Variants in USP34 observed in about 807,000 individuals in gnomAD.
USP34 encodes the protein ubiquitin specific peptidase 34, also known as ubiquitin carboxyl-terminal hydrolase 34.
Under a neutral mutation model 460.3 loss-of-function variants are expected in USP34, and 70 were observed. The ratio of observed to expected loss-of-function variants is 0.15; its 90% CI spans 0.13 to 0.19. The LOEUF is 0.19. Ranked by LOEUF, USP34 falls within the 10% of genes least tolerant of loss-of-function variation. The pLI, the probability that USP34 is intolerant of heterozygous loss-of-function variation, is 1.00. For synonymous variants in USP34, 1,647 were observed against 1,405.3 expected (o/e 1.17, Z -3.85); for missense variants, 3,985 against 4,236.2 (o/e 0.94, Z 1.65).
intron 68 of USP34, 129 bp from the exon 69 acceptor site, chr2:61,212,058 A>C: frequency 8.2e-7 from 1 of 1,226,138 alleles, no homozygotes; most frequent in Non-Finnish European, 1.1e-6. Flanking sequence ...TTCCATTCAG[A>C]AAGTTATAAA....
chr2:61,242,991 C>T (rs11125871), intron 51 of USP34, among the ~76,000 whole-genome samples: 53,220 of 151,250 alleles, frequency 0.35, 9,511 homozygotes, highest in Non-Finnish European at 0.4. Flanking sequence ...TACAGGTGCC[C>T]GCTATCAAAC....
At chr2:61,397,726 C>A (rs192310812) in intron 3 of USP34, among the ~76,000 whole-genome samples, 93 of 151,882 alleles carry the variant, frequency 6.1e-4, no homozygotes, top group Middle Eastern at 3.4e-3. Context: ...TGGTGAAACC[C>A]CATCTCTATT....
chr2:61,353,231 G>A (rs1691999836), intron 10 of USP34, among the ~76,000 whole-genome samples: 1 of 152,274 alleles, frequency 6.6e-6, no homozygotes, highest in East Asian at 1.9e-4. Context: ...GTGAGGTACA[G>A]GCACAGAGGC....
At chr2:61,245,787 T>C (rs1688402553) in intron 50 of USP34, among the ~76,000 whole-genome samples, 1 of 152,120 alleles carries the variant, frequency 6.6e-6, no homozygotes, top group Non-Finnish European at 1.5e-5. Context: ...TTCAAATCAA[T>C]ATCCCCAGCA....
intron 76 of USP34, among the ~76,000 whole-genome samples, chr2:61,191,824 C>A (rs527461641): frequency 2.0e-5 from 3 of 152,128 alleles, no homozygotes; most frequent in Non-Finnish European, 2.9e-5. Flanking sequence ...AGAGGGAAAA[C>A]GAGATCTCCA....
At chr2:61,195,655 G>A (rs1043703317) in intron 75 of USP34, among the ~76,000 whole-genome samples, 1 of 152,092 alleles carries the variant, frequency 6.6e-6, no homozygotes, top group African/African-American at 2.4e-5. Flanking sequence ...CTGGGTGACA[G>A]AGCCAGACTC....
At chr2:61,444,111 T>C (rs541774324) in intron 1 of USP34, among the ~76,000 whole-genome samples, 3 of 151,826 alleles carry the variant, frequency 2.0e-5, no homozygotes, top group African/African-American at 7.2e-5. Context: ...AAATTGTAGG[T>C]ATGGTGGGGC....
chr2:61,210,391 A>C (rs1687240558), intron 69 of USP34, among the ~76,000 whole-genome samples: 1 of 152,242 alleles, frequency 6.6e-6, no homozygotes, highest in Non-Finnish European at 1.5e-5. Context: ...TGCCTACAGT[A>C]TTCAGTGTAG....
intron 5 of USP34, among the ~76,000 whole-genome samples, chr2:61,394,087 C>T (rs929607025): frequency 6.6e-6 from 1 of 152,030 alleles, no homozygotes; most frequent in Non-Finnish European, 1.5e-5. Flanking sequence ...CACCACTGCA[C>T]TCCAGCCTGG....
At chr2:61,232,588 G>T in intron 57 of USP34, 56 bp from the exon 58 acceptor site, 1 of 1,319,222 alleles carries the variant, frequency 7.6e-7, no homozygotes, top group Non-Finnish European at 1.1e-6. Flanking sequence ...TGTTACATGG[G>T]ATAACAGTCA....
chr2:61,435,671 C>A (rs998722646), intron 1 of USP34, among the ~76,000 whole-genome samples: 1 of 152,092 alleles, frequency 6.6e-6, no homozygotes, highest in East Asian at 1.9e-4. Flanking sequence ...AATAAAATGG[C>A]AGGAGTAAGT....
intron 10 of USP34, among the ~76,000 whole-genome samples, chr2:61,360,891 A>G (rs1692256471): frequency 6.6e-6 from 1 of 152,182 alleles, no homozygotes; most frequent in South Asian, 2.1e-4. Context: ...TTCTGAGCTC[A>G]AGCTATCAGA....
intron 48 of USP34, among the ~76,000 whole-genome samples, chr2:61,252,101 A>G (rs1688600598): frequency 6.6e-6 from 1 of 152,176 alleles, no homozygotes; most frequent in Non-Finnish European, 1.5e-5. Context: ...GGTGCTATGG[A>G]AGCATGAAAA....
intron 41 of USP34, among the ~76,000 whole-genome samples, chr2:61,276,749 G>C (rs1488850583): frequency 6.6e-6 from 1 of 152,078 alleles, no homozygotes; most frequent in Non-Finnish European, 1.5e-5. Flanking sequence ...TGAGTCTAAT[G>C]GAAAAGGCAA....
At chr2:61,464,960 G>C (rs996114533) in intron 1 of USP34, among the ~76,000 whole-genome samples, 1 of 151,816 alleles carries the variant, frequency 6.6e-6, no homozygotes, top group African/African-American at 2.4e-5. Flanking sequence ...ACAAGCAGAG[G>C]AACAGAAATT....
At chr2:61,410,995 A>G (rs1694019736) in intron 2 of USP34, among the ~76,000 whole-genome samples, 1 of 152,194 alleles carries the variant, frequency 6.6e-6, no homozygotes, top group African/African-American at 2.4e-5. Context: ...CCATCCTAAA[A>G]AAAACAAAAT....
At chr2:61,316,794 G>A (rs1016012057) in intron 23 of USP34, among the ~76,000 whole-genome samples, 5 of 151,868 alleles carry the variant, frequency 3.3e-5, no homozygotes, top group African/African-American at 9.7e-5. Flanking sequence ...GCTGAGGCAT[G>A]AGAATTGCTA....
intron 1 of USP34, among the ~76,000 whole-genome samples, chr2:61,451,551 A>G (rs1695277012): frequency 6.6e-6 from 1 of 151,974 alleles, no homozygotes; most frequent in South Asian, 2.1e-4. Flanking sequence ...GCATGGTGGC[A>G]CATGCCTGCA....
At chr2:61,387,994 G>A (rs1268442507) in intron 5 of USP34, among the ~76,000 whole-genome samples, 2 of 151,182 alleles carry the variant, frequency 1.3e-5, no homozygotes, top group Admixed American at 6.6e-5. Flanking sequence ...AGGCCAGGTG[G>A]AGTGGCTCAT....
Sources: allele counts gnomAD v4.1 joint callset (sites outside exome capture counted in the v4.1 genomes callset), GRCh38; gene constraint gnomAD v4.1.1; transcripts MANE v1.5; gene names NCBI Gene and HGNC (gene_info 2026-07-23, HGNC 2026-07-21).